ZC4H2: variants seen among roughly 807,000 people sequenced by gnomAD.
The protein encoded by ZC4H2 is zinc finger C4H2-type containing.
For missense variants in ZC4H2, 137 were observed against 173.9 expected, an observed-to-expected ratio of 0.79 and a Z score of 1.19; for synonymous variants, 84 against 66.3, an observed-to-expected ratio of 1.27 and a Z score of -1.30.
chrX:64,928,629 T>TCTC (rs1176907648), intron 1 of ZC4H2, among the ~76,000 whole-genome samples: 10 of 93,846 alleles, frequency 1.1e-4, no homozygotes, highest in African/African-American at 3.9e-4. Flanking sequence ...TTGCCTGCTT[T>TCTC]CTCCTTCTTC....
At chrX:64,949,133 A>T (rs763397040) in intron 1 of ZC4H2, among the ~76,000 whole-genome samples, 1 of 111,894 alleles carries the variant, frequency 8.9e-6, no homozygotes, top group African/African-American at 3.2e-5. Flanking sequence ...TGTCTATAAG[A>T]TTTCTTAAGA....
At chrX:64,970,924 C>G (rs773745206) in intron 1 of ZC4H2, among the ~76,000 whole-genome samples, 2 of 111,368 alleles carry the variant, frequency 1.8e-5, no homozygotes. Flanking sequence ...ATGGAAACAC[C>G]GATAGGTAAA....
upstream of ZC4H2, chrX:64,976,542 G>T: frequency 2.0e-6 from 1 of 493,088 alleles, no homozygotes; most frequent in Non-Finnish European, 3.5e-6. Flanking sequence ...GGGCCAGCCA[G>T]GAAGCCCGGG....
At chrX:65,017,868 C>T (rs764179970) in intron 1 of ZC4H2, among the ~76,000 whole-genome samples, 1 of 111,848 alleles carries the variant, frequency 8.9e-6, no homozygotes, top group Non-Finnish European at 1.9e-5. Flanking sequence ...GAGGGTGAAA[C>T]AGAAAAAAAT....
At chrX:65,028,989 G>T (rs1045131266) in intron 1 of ZC4H2, among the ~76,000 whole-genome samples, 1 of 110,955 alleles carries the variant, frequency 9.0e-6, no homozygotes, top group African/African-American at 3.3e-5. Flanking sequence ...ATCTCAGGAC[G>T]GTGGTCTGAG....
At position 64,999,039 on chromosome X, in the gene ZC4H2, G is replaced by GTTTTTTTT. The variant is rs58094683; in HGVS notation, c.-272+35582_-272+35589dup. On this transcript the variant is annotated intron_variant, in intron 1 of 4. Coordinates refer to the ZC4H2 transcript ENST00000337990. ...TAGACAGCATACAGTTGGATTATGTGTTTTTTTTTTTTTTTTTTTTTTTTT... is the reference window on the plus strand; with the variant it reads ...TAGACAGCATACAGTTGGATTATGTGTTTTTTTTTTTTTTTTTTTTTTTTTTTTTTTTT... 5.8e-3 allele frequency among the ~76,000 whole-genome samples: 69 copies of GTTTTTTTT among 11,854 alleles called. 3 individuals carry two copies. The highest frequency in any genetic ancestry group is 8.5e-3 in the Non-Finnish European group (56 of 6,558). 10.3% of individuals were successfully genotyped at this position (11,854 alleles called of 115,157 possible). A position where few individuals can be genotyped will look rare whatever the true frequency, so the allele number is the denominator to read the frequency against.
intron 1 of ZC4H2, among the ~76,000 whole-genome samples, chrX:65,011,118 A>C (rs376547243): frequency 3.1e-4 from 35 of 111,985 alleles, no homozygotes; most frequent in African/African-American, 7.5e-4. Flanking sequence ...AACAAACAAA[A>C]AAAAACTTCA....
At chrX:64,945,211 T>C (rs925216810) in intron 1 of ZC4H2, among the ~76,000 whole-genome samples, 1 of 112,773 alleles carries the variant, frequency 8.9e-6, no homozygotes. Flanking sequence ...CTCATCTTCG[T>C]GTATTTATTT....
intron 1 of ZC4H2, among the ~76,000 whole-genome samples, chrX:65,003,267 G>A (rs1333325005): frequency 9.0e-6 from 1 of 111,333 alleles, no homozygotes; most frequent in African/African-American, 3.3e-5. Flanking sequence ...AGATTCTCTA[G>A]GACAAAGCTA....
chrX:65,003,351 C>A (rs929659992), intron 1 of ZC4H2, among the ~76,000 whole-genome samples: 19 of 111,418 alleles, frequency 1.7e-4, no homozygotes, highest in African/African-American at 5.5e-4. Flanking sequence ...AAATCAAACA[C>A]TAACAACACA....
At chrX:64,983,045 T>C (rs1455539454) in intron 1 of ZC4H2, among the ~76,000 whole-genome samples, 1 of 111,367 alleles carries the variant, frequency 9.0e-6, no homozygotes, top group Non-Finnish European at 1.9e-5. Flanking sequence ...ATATCACGTA[T>C]AATTGCCCAG....
chrX:64,952,922 T>A (rs1281037609), intron 1 of ZC4H2, among the ~76,000 whole-genome samples: 1 of 111,455 alleles, frequency 9.0e-6, no homozygotes, highest in Non-Finnish European at 1.9e-5. Context: ...CTTCAAACTA[T>A]ACTACAAGGC....
intron 1 of ZC4H2, among the ~76,000 whole-genome samples, chrX:64,995,145 T>C (rs1421006762): frequency 2.8e-5 from 3 of 105,409 alleles, no homozygotes; most frequent in Non-Finnish European, 5.8e-5. Context: ...CTAGGTAATA[T>C]CAGGAAAATG....
chrX:64,927,098 A>T (rs1177661509), intron 1 of ZC4H2, among the ~76,000 whole-genome samples: 3 of 110,543 alleles, frequency 2.7e-5, no homozygotes, highest in Admixed American at 1.9e-4. Context: ...GAGTATTTAA[A>T]TTTTTTTTAA....
At chrX:64,932,117 C>T (rs775110455) in intron 1 of ZC4H2, among the ~76,000 whole-genome samples, 3 of 106,114 alleles carry the variant, frequency 2.8e-5, no homozygotes, top group East Asian at 3.0e-4. Context: ...CCTTGCTTGT[C>T]TTTTTTTTTT....
At chrX:64,981,129 T>C (rs1336504700), upstream of ZC4H2, among the ~76,000 whole-genome samples, 1 of 109,649 alleles carries the variant, frequency 9.1e-6, no homozygotes, top group East Asian at 2.9e-4. Context: ...AAAAAGTAGG[T>C]AGGGCTCTGG....
chrX:64,957,777 G>A (rs1361804030), intron 1 of ZC4H2, among the ~76,000 whole-genome samples: 1 of 110,741 alleles, frequency 9.0e-6, no homozygotes, highest in Non-Finnish European at 1.9e-5. Context: ...TGGAAGGGTT[G>A]TTTGAGCCTG....
intron 1 of ZC4H2, among the ~76,000 whole-genome samples, chrX:65,017,862 G>A: frequency 8.9e-6 from 1 of 112,096 alleles, no homozygotes; most frequent in Middle Eastern, 4.7e-3. Flanking sequence ...AGGATAGAGG[G>A]TGAAACAGAA....
chrX:64,942,227 G>T (rs1930322062), intron 1 of ZC4H2, among the ~76,000 whole-genome samples: 1 of 111,101 alleles, frequency 9.0e-6, no homozygotes, highest in African/African-American at 3.3e-5. Context: ...TTTCCATGGG[G>T]TCAGTGTTGA....
Sources: gnomAD v4.1 joint callset for allele counts (sites outside exome capture counted in the v4.1 genomes callset) on GRCh38, gnomAD v4.1.1 for gene constraint, MANE v1.5 for transcripts, NCBI Gene and HGNC (gene_info 2026-07-23, HGNC 2026-07-21) for gene names.